Variants in CTSH observed in about 807,000 individuals in gnomAD.
CTSH encodes the protein pro-cathepsin H.
Under a neutral mutation model 56.3 loss-of-function variants are expected in CTSH, and 52 were observed. That is an observed-to-expected ratio of 0.92 (90% CI 0.74 to 1.16). The LOEUF (loss-of-function observed/expected upper bound fraction) is 1.16. Among genes scored for constraint, CTSH ranks in the 50% most tolerant of loss-of-function variants. The pLI is 0.00. For synonymous variants in CTSH, 174 were observed against 155.7 expected (o/e 1.12, Z -0.88); for missense variants, 406 against 424.5 (o/e 0.96, Z 0.38).
At position 78,935,005 on chromosome 15, in the gene CTSH, T is replaced by G; in HGVS notation, c.378A>C (p.Gly126=). 6.2e-7 allele frequency: 1 copy of G among 1,614,018 alleles called. No individual in the cohort carries two copies. Among genetic ancestry groups the G allele is most frequent in the Non-Finnish European group, 8.5e-7 (1 of 1,179,860 alleles). ...YPPSVDWRKK[G]NFVSPVKNQG... is the part of the protein sequence containing the mutation. ...GATTTTTCACAGGTGAGACAAAATTTCCTTTTTTCCGCCAGTCCACGGAAG... is the reference window on the plus strand; with the variant it reads ...GATTTTTCACAGGTGAGACAAAATTGCCTTTTTTCCGCCAGTCCACGGAAG... Residue 126 remains glycine (G), a synonymous_variant, in exon 5 of 12, where the codon GGA becomes GGC. Transcript: ENST00000220166.
At chr15:78,925,529 A>G (rs1349104086) in intron 9 of CTSH, 89 bp from the exon 10 acceptor site, 12 of 829,232 alleles carry the variant, frequency 1.4e-5, no homozygotes, top group East Asian at 5.4e-5. Flanking sequence ...GCTAGGGGCT[A>G]GAGGCCCAGA....
At chr15:78,924,458 A>G (rs2054856739) in intron 10 of CTSH, among the ~76,000 whole-genome samples, 1 of 152,130 alleles carries the variant, frequency 6.6e-6, no homozygotes, top group African/African-American at 2.4e-5. Flanking sequence ...AGGAGAGCAC[A>G]GACGTGAGTG....
At chr15:78,925,612 C>T (rs2054887474) in intron 9 of CTSH, 172 bp from the exon 10 acceptor site, 1 of 559,094 alleles carries the variant, frequency 1.8e-6, no homozygotes. Context: ...TCTGTCTGGC[C>T]ATCTCTCGTT....
At chr15:78,922,909 ACT>A (rs1285461277) in intron 11 of CTSH, 82 bp downstream of exon 11, 23 of 1,498,316 alleles carry the variant, frequency 1.5e-5, no homozygotes, top group African/African-American at 2.8e-5. Flanking sequence ...GGAAGCCGTA[ACT>A]CTGAGGTGGA....
At chr15:78,927,067 A>G (rs918336698) in intron 9 of CTSH, 1 of 152,748 alleles carries the variant, frequency 6.5e-6, no homozygotes, top group Non-Finnish European at 1.5e-5. Flanking sequence ...TGCAGTCACG[A>G]AGGCGTTCAT....
At chr15:78,927,268 G>A (rs139930152) in intron 9 of CTSH, 10 of 191,122 alleles carry the variant, frequency 5.2e-5, no homozygotes, top group East Asian at 4.7e-4. Context: ...GTGCATGGGC[G>A]CAGGAGTGCC....
intron 1 of CTSH, among the ~76,000 whole-genome samples, chr15:78,941,910 C>T (rs1428355338): frequency 2.0e-5 from 3 of 151,908 alleles, no homozygotes; most frequent in Non-Finnish European, 4.4e-5. Context: ...TGTTAAACAT[C>T]AAAAGTAAAA....
chr15:78,937,202 A>T, intron 3 of CTSH, 116 bp downstream of exon 3: 2 of 776,716 alleles, frequency 2.6e-6, no homozygotes, highest in Non-Finnish European at 4.3e-6. Context: ...TCAGCCAAAC[A>T]CAGCTTCAGA....
chr15:78,933,626 G>A (rs764925322), intron 5 of CTSH: 15 of 424,654 alleles, frequency 3.5e-5, no homozygotes, highest in Non-Finnish European at 6.2e-5. Context: ...TGGCCACTTC[G>A]GGGGAGACTA....
chr15:78,931,727 C>A, intron 6 of CTSH: 1 of 1,436,038 alleles, frequency 7.0e-7, no homozygotes, highest in Non-Finnish European at 9.1e-7. Flanking sequence ...TAAGCAGGGG[C>A]AGCCAGGGAA....
chr15:78,941,657 G>A (rs1038786342), intron 1 of CTSH, among the ~76,000 whole-genome samples: 1 of 151,838 alleles, frequency 6.6e-6, no homozygotes, highest in Non-Finnish European at 1.5e-5. Context: ...TTAGCCGGGC[G>A]TGGTGGCGGG....
chr15:78,926,858 T>G (rs1379901359), intron 9 of CTSH: 1 of 152,210 alleles, frequency 6.6e-6, no homozygotes, highest in Non-Finnish European at 1.5e-5. Flanking sequence ...TATTGAGGGT[T>G]GGTACAGCAC....
chr15:78,933,124 G>A (rs1186034765), intron 5 of CTSH, among the ~76,000 whole-genome samples: 4 of 152,018 alleles, frequency 2.6e-5, no homozygotes, highest in Admixed American at 2.6e-4. Flanking sequence ...ACAGTTCATT[G>A]CCGCTGCCTA....
chr15:78,942,703 T>C (rs2055321238), intron 1 of CTSH, among the ~76,000 whole-genome samples: 1 of 152,156 alleles, frequency 6.6e-6, no homozygotes, highest in African/African-American at 2.4e-5. Flanking sequence ...AGGAAAGAGG[T>C]TCCCCCTTGC....
chr15:78,932,116 C>G, intron 6 of CTSH: 1 of 1,250,648 alleles, frequency 8.0e-7, no homozygotes, highest in Non-Finnish European at 1.0e-6. Context: ...GCCGGGAAGG[C>G]TCCAGGCTGT....
chr15:78,930,455 A>G (rs2055027393), intron 7 of CTSH, among the ~76,000 whole-genome samples: 1 of 152,124 alleles, frequency 6.6e-6, no homozygotes, highest in Non-Finnish European at 1.5e-5. Context: ...TGAACCCGGG[A>G]GGCGGAGCTT....
chr15:78,931,064 A>C (rs1330787486), intron 7 of CTSH, among the ~76,000 whole-genome samples: 2 of 152,136 alleles, frequency 1.3e-5, no homozygotes, highest in Non-Finnish European at 2.9e-5. Flanking sequence ...CTGGGACTTT[A>C]GTGAGTTCAT....
At chr15:78,941,191 C>G (rs1000105021) in intron 1 of CTSH, among the ~76,000 whole-genome samples, 5 of 151,650 alleles carry the variant, frequency 3.3e-5, no homozygotes, top group Admixed American at 6.6e-5. Flanking sequence ...CTTTGGGAGG[C>G]TGAGGCAGGT....
Position 78,927,573 on chromosome 15 carries a change from G to A in CTSH, c.699+140C>T, listed in dbSNP as rs140786052. On this transcript the variant is annotated intron_variant, in intron 9 of 11. Transcript: ENST00000220166. ...GCCTCGCCACCATCACAGCGACTGAGACCCAGGGATAATATGAACTCGTCA... is the reference window on the plus strand; with the variant it reads ...GCCTCGCCACCATCACAGCGACTGAAACCCAGGGATAATATGAACTCGTCA... 3.5e-4 allele frequency: 252 copies of A among 724,346 alleles called. 1 individual carries two copies. In the African/African-American group the frequency reaches 3.7e-3, roughly 11 times the overall value. 44.9% of individuals were successfully genotyped at this position (724,346 alleles called of 1,614,324 possible). A position where few individuals can be genotyped will look rare whatever the true frequency, so the allele number is the denominator to read the frequency against.
Sources: allele counts gnomAD v4.1 joint callset (sites outside exome capture counted in the v4.1 genomes callset), GRCh38; gene constraint gnomAD v4.1.1; transcripts MANE v1.5; gene names NCBI Gene and HGNC (gene_info 2026-07-23, HGNC 2026-07-21).